ADGRB3: variants seen among roughly 807,000 people sequenced by gnomAD.
ADGRB3 encodes brain-specific angiogenesis inhibitor 3.
Under a neutral mutation model 193.4 loss-of-function variants are expected in ADGRB3, and 37 were observed. The ratio of observed to expected loss-of-function variants is 0.19; its 90% CI spans 0.15 to 0.25. ADGRB3 has a LOEUF of 0.25. Ranked by LOEUF, ADGRB3 falls within the 10% of genes least tolerant of loss-of-function variation. ADGRB3 has a pLI of 1.00. For synonymous variants in ADGRB3, 690 were observed against 644.2 expected, an observed-to-expected ratio of 1.07 and a Z score of -1.08; for missense variants, 1,637 against 1,852.9, an observed-to-expected ratio of 0.88 and a Z score of 2.14.
At chr6:69,325,827 C>G (rs1337821877) in intron 21 of ADGRB3, among the ~76,000 whole-genome samples, 1 of 152,138 alleles carries the variant, frequency 6.6e-6, no homozygotes, top group Non-Finnish European at 1.5e-5. Context: ...AAATATTATT[C>G]ATTAGGTTTC....
At chr6:68,770,605 A>G (rs1404031831) in intron 3 of ADGRB3, among the ~76,000 whole-genome samples, 1 of 152,160 alleles carries the variant, frequency 6.6e-6, no homozygotes, top group Non-Finnish European at 1.5e-5. Flanking sequence ...AGACCTCTTC[A>G]TTGTGTCCTA....
intron 3 of ADGRB3, among the ~76,000 whole-genome samples, chr6:68,807,235 CTTTT>C (rs771342538): frequency 8.0e-5 from 8 of 100,200 alleles, no homozygotes; most frequent in African/African-American, 2.2e-4. Context: ...TTTCTTTTTT[CTTTT>C]TTTTTTTTTT....
rs1767004184 is a variant in ADGRB3 at position 68,920,426 on chromosome 6, G to A, written c.758-10133G>A. 3.3e-5 allele frequency among the ~76,000 whole-genome samples: 5 copies of A among 149,586 alleles called. No individual in the cohort carries two copies. In the Admixed American group the frequency reaches 3.4e-4, roughly 10 times the overall value. ...CCAGCTACTCCGGAGGCTGAGGCAG[G>A]AGAATGACGTGAACCCGGGAGGCGG... On this transcript the variant is annotated intron_variant, in intron 3 of 31. Coordinates refer to ENST00000370598, the MANE Select transcript of ADGRB3 (RefSeq NM_001704.3).
At chr6:69,173,133 G>T (rs1055058218) in intron 17 of ADGRB3, among the ~76,000 whole-genome samples, 14 of 152,226 alleles carry the variant, frequency 9.2e-5, no homozygotes, top group Non-Finnish European at 1.3e-4. Flanking sequence ...TGCCTCCCGG[G>T]TTCAAGTGAT....
intron 3 of ADGRB3, among the ~76,000 whole-genome samples, chr6:68,870,709 A>C (rs1316908506): frequency 1.3e-5 from 2 of 152,200 alleles, no homozygotes; most frequent in Non-Finnish European, 2.9e-5. Flanking sequence ...TCTGTGATTC[A>C]GAGCAAGTTA....
At chr6:68,905,013 A>G (rs1451960672) in intron 3 of ADGRB3, among the ~76,000 whole-genome samples, 3 of 152,226 alleles carry the variant, frequency 2.0e-5, no homozygotes, top group Admixed American at 6.5e-5. Context: ...CCATTTTTAA[A>G]GATGAATATG....
rs137904235 is a variant in ADGRB3, at chr6:69,340,663, C to T, written c.3459+1159C>T. 2.8e-3 allele frequency among the ~76,000 whole-genome samples: 428 copies of T among 152,194 alleles called. 2 individuals are homozygous for T. Among genetic ancestry groups the T allele is most frequent in the African/African-American group, 9.7e-3 (401 of 41,532 alleles). On this transcript the variant is annotated intron_variant, in intron 26 of 31. Coordinates refer to ENST00000370598, the MANE Select transcript of ADGRB3 (RefSeq NM_001704.3). ...TAAGTTCTGAGATACATGTGCAGAA[C>T]GTGCAGGTTTGTTACATAGGTATAC...
intron 3 of ADGRB3, among the ~76,000 whole-genome samples, chr6:68,896,652 G>A (rs190299554): frequency 3.6e-4 from 55 of 152,222 alleles, no homozygotes; most frequent in East Asian, 1.4e-3. Flanking sequence ...AGCAGAAAGC[G>A]TATGGGGAAA....
At chr6:69,180,882 G>C (rs1364061580) in intron 17 of ADGRB3, among the ~76,000 whole-genome samples, 1 of 152,158 alleles carries the variant, frequency 6.6e-6, no homozygotes, top group African/African-American at 2.4e-5. Context: ...TATGCCCCGG[G>C]ATTAAAAATG....
At chr6:68,949,413 T>C (rs1374670576) in intron 6 of ADGRB3, among the ~76,000 whole-genome samples, 1 of 152,132 alleles carries the variant, frequency 6.6e-6, no homozygotes, top group Admixed American at 6.5e-5. Context: ...AGAGAAAGAA[T>C]CACCTAAGAG....
chr6:68,722,132 T>G (rs770257033), intron 3 of ADGRB3, among the ~76,000 whole-genome samples: 2 of 151,780 alleles, frequency 1.3e-5, no homozygotes, highest in Non-Finnish European at 2.9e-5. Context: ...TGTATGATTT[T>G]ATTCCAAGCC....
At chr6:69,092,072 C>T (rs1772726143) in intron 17 of ADGRB3, among the ~76,000 whole-genome samples, 1 of 152,298 alleles carries the variant, frequency 6.6e-6, no homozygotes, top group Middle Eastern at 3.4e-3. Context: ...AACCTTTTCT[C>T]TCCAGCTTCT....
intron 26 of ADGRB3, among the ~76,000 whole-genome samples, chr6:69,353,657 A>G (rs1252571980): frequency 6.6e-6 from 1 of 152,270 alleles, no homozygotes; most frequent in Non-Finnish European, 1.5e-5. Flanking sequence ...GTTGAGCCAG[A>G]TATAGCTATT....
At chr6:68,732,135 T>C (rs1221756181) in intron 3 of ADGRB3, among the ~76,000 whole-genome samples, 1 of 151,862 alleles carries the variant, frequency 6.6e-6, no homozygotes, top group East Asian at 1.9e-4. Flanking sequence ...TAAAATTTTG[T>C]TCAGTGTAAC....
At chr6:68,941,316 T>TATCTAAA (rs1317616017) in intron 5 of ADGRB3, among the ~76,000 whole-genome samples, 1 of 152,196 alleles carries the variant, frequency 6.6e-6, no homozygotes, top group Non-Finnish European at 1.5e-5. Context: ...AAAATAACAT[T>TATCTAAA]GTTAGTGATT....
chr6:69,142,086 A>G (rs1774358358), intron 17 of ADGRB3, among the ~76,000 whole-genome samples: 1 of 152,230 alleles, frequency 6.6e-6, no homozygotes, highest in Non-Finnish European at 1.5e-5. Flanking sequence ...GGAATTGTCT[A>G]ACATTATACT....
chr6:68,705,458 C>A (rs1227139195), intron 3 of ADGRB3, among the ~76,000 whole-genome samples: 1 of 152,084 alleles, frequency 6.6e-6, no homozygotes, highest in African/African-American at 2.4e-5. Context: ...TCAGGATCTC[C>A]TCCTTTCCTT....
At chr6:69,234,693 C>T (rs1582565933) in intron 18 of ADGRB3, among the ~76,000 whole-genome samples, 1 of 151,996 alleles carries the variant, frequency 6.6e-6, no homozygotes, top group Non-Finnish European at 1.5e-5. Context: ...ATGAGTGATG[C>T]TTTAAATTTT....
chr6:69,112,282 G>A (rs1166853460), intron 17 of ADGRB3, among the ~76,000 whole-genome samples: 3 of 152,128 alleles, frequency 2.0e-5, no homozygotes, highest in African/African-American at 2.4e-5. Context: ...TTGCCAGCCA[G>A]CAGAAAAAGG....
Sources: gnomAD v4.1 joint callset for allele counts (sites outside exome capture counted in the v4.1 genomes callset) on GRCh38, gnomAD v4.1.1 for gene constraint, MANE v1.5 for transcripts, NCBI Gene and HGNC (gene_info 2026-07-23, HGNC 2026-07-21) for gene names.